The following DISC1 variants were observed in gnomAD, a reference collection of about 807,000 sequenced individuals.
DISC1 encodes the protein DISC1 scaffold protein, also known as disrupted in schizophrenia 1 protein.
A neutral mutation model predicts 84.5 loss-of-function variants in DISC1; 57 were observed. The observed-to-expected ratio is 0.67, with a 90% confidence interval of 0.55 to 0.84. The LOEUF is 0.84. Among genes scored for constraint, DISC1 ranks in the 40% least tolerant of loss-of-function variants. The pLI is 0.00. For synonymous variants in DISC1, 411 were observed against 415.2 expected (o/e 0.99, Z 0.12); for missense variants, 1,000 against 1,057.8 (o/e 0.95, Z 0.76).
Position 231,800,122 on chromosome 1 carries a change from G to T in DISC1, c.1704G>T (p.Glu568Asp), listed in dbSNP as rs753171376. 8 of 1,611,222 alleles carry T rather than the reference G, an allele frequency of 5.0e-6. No homozygotes were observed. The highest frequency in any genetic ancestry group is 5.9e-6 in the Non-Finnish European group (7 of 1,179,560). ...TCTCCCCCTAGGTGTGTATGAGTGA[G>T]AAATTCTGCAGCACCCTGAGGAAGA... is the stretch of plus-strand genomic sequence containing the variant. ...KEITTKVCMSEKFCSTLRKKV... is the reference protein window; with the variant it reads ...KEITTKVCMSDKFCSTLRKKV... The change falls in exon 8 of 13, where the codon GAG becomes GAT. Residue 568 changes from glutamate to aspartate, a missense_variant. Transcript: ENST00000439617.
chr1:231,898,611 G>A (rs1440826759), intron 9 of DISC1, among the ~76,000 whole-genome samples: 1 of 152,194 alleles, frequency 6.6e-6, no homozygotes, highest in Non-Finnish European at 1.5e-5. Flanking sequence ...AAGTAAGGTT[G>A]GAAAGAGTTG....
intron 10 of DISC1, among the ~76,000 whole-genome samples, chr1:231,968,084 G>T (rs200149982): frequency 1.3e-5 from 2 of 152,124 alleles, no homozygotes; most frequent in Non-Finnish European, 2.9e-5. Flanking sequence ...TAACTTTTCT[G>T]CATTGGCCTA....
intron 12 of DISC1, among the ~76,000 whole-genome samples, chr1:232,035,445 CAAAAAAA>C (rs1670428079): frequency 1.3e-5 from 2 of 151,690 alleles, no homozygotes; most frequent in South Asian, 4.2e-4. Context: ...AACTCTGTCT[CAAAAAAA>C]GAAAAAAGAA....
intron 1 of DISC1, among the ~76,000 whole-genome samples, chr1:231,637,422 G>A (rs1395454311): frequency 1.3e-5 from 2 of 152,112 alleles, no homozygotes; most frequent in Admixed American, 6.6e-5. Context: ...TGGTCAAGTC[G>A]GGGCTTTTAG....
At position 231,785,202 on chromosome 1, in the gene DISC1, T is replaced by G. The variant is rs201038916; in HGVS notation, c.1635-10040T>G. Reference sequence around the variant, plus strand: ...GACTGAGCAGTCATTGGCAAGGTTGTTAATGTCAACAGATTTGTCTGTGTG... The same window carrying G: ...GACTGAGCAGTCATTGGCAAGGTTGGTAATGTCAACAGATTTGTCTGTGTG... On this transcript the variant is annotated intron_variant, in intron 6 of 12. Coordinates refer to ENST00000439617, the MANE Select transcript of DISC1 (RefSeq NM_018662.3). Among the ~76,000 whole-genome samples, 159 of 150,614 alleles carry G rather than the reference T, an allele frequency of 1.1e-3. 1 individual carries two copies. The highest frequency in any genetic ancestry group is 1.7e-3 in the Non-Finnish European group (118 of 67,882).
intron 8 of DISC1, among the ~76,000 whole-genome samples, chr1:231,805,504 C>T (rs950681151): frequency 1.6e-4 from 25 of 152,066 alleles, no homozygotes; most frequent in Admixed American, 1.5e-3. Context: ...GGGGGAGGTG[C>T]CACGCACTTT....
At position 231,675,566 on chromosome 1, in the gene DISC1, C is replaced by T. The variant is rs1434956688; in HGVS notation, c.68-18260C>T. On this transcript the variant is annotated intron_variant, in intron 1 of 12. Coordinates refer to ENST00000439617, the MANE Select transcript of DISC1 (RefSeq NM_018662.3). The surrounding 1 kb of genome is among the most constrained non-coding windows in gnomAD (Gnocchi z 4.1). ...CTCAAAATTTCCTGGGCTAGTAGGTCTCTCAAGGTGGCTGAGAGACCCTAG... is the reference window on the plus strand; with the variant it reads ...CTCAAAATTTCCTGGGCTAGTAGGTTTCTCAAGGTGGCTGAGAGACCCTAG... 6.6e-6 allele frequency among the ~76,000 whole-genome samples: 1 copy of T among 152,146 alleles called. No individual in the cohort carries two copies. The highest frequency in any genetic ancestry group is 2.4e-5 in the African/African-American group (1 of 41,430).
intron 7 of DISC1, among the ~76,000 whole-genome samples, chr1:231,795,760 G>A (rs1343151504): frequency 1.3e-5 from 2 of 152,068 alleles, no homozygotes; most frequent in Admixed American, 6.6e-5. Flanking sequence ...GTGGTGGAGG[G>A]TGCCTGTAAT....
At chr1:231,929,994 G>A (rs1200364932) in intron 9 of DISC1, among the ~76,000 whole-genome samples, 2 of 152,048 alleles carry the variant, frequency 1.3e-5, no homozygotes. Flanking sequence ...AGGTAGCGTG[G>A]GATTGACCCT....
intron 9 of DISC1, among the ~76,000 whole-genome samples, chr1:231,928,068 A>C (rs2090449147): frequency 6.6e-6 from 1 of 152,210 alleles, no homozygotes; most frequent in Non-Finnish European, 1.5e-5. Flanking sequence ...TTTTCTTGAG[A>C]GATTTATTCT....
chr1:231,708,715 A>G (rs948254587), intron 3 of DISC1, among the ~76,000 whole-genome samples: 9 of 152,142 alleles, frequency 5.9e-5, no homozygotes, highest in Admixed American at 2.6e-4. Flanking sequence ...CTGGGTCTAG[A>G]GCATTTTGTG....
chr1:232,013,134 A>G (rs938308751), intron 11 of DISC1, among the ~76,000 whole-genome samples: 2 of 152,090 alleles, frequency 1.3e-5, no homozygotes, highest in African/African-American at 4.8e-5. Flanking sequence ...ATACCTGCGT[A>G]ATTTTTTTCT....
At chr1:232,003,075 T>C (rs965336248) in intron 10 of DISC1, among the ~76,000 whole-genome samples, 12 of 151,612 alleles carry the variant, frequency 7.9e-5, no homozygotes, top group African/African-American at 2.9e-4. Flanking sequence ...AAAAGAAAAA[T>C]AGAAAAAAAG....
At chr1:231,981,220 A>C (rs1394557094) in intron 10 of DISC1, among the ~76,000 whole-genome samples, 1 of 152,244 alleles carries the variant, frequency 6.6e-6, no homozygotes, top group Admixed American at 6.5e-5. Context: ...TTGGGATTAC[A>C]GGTATGAGCC....
chr1:231,957,423 G>A (rs1484915028), intron 9 of DISC1, among the ~76,000 whole-genome samples: 1 of 151,938 alleles, frequency 6.6e-6, no homozygotes, highest in East Asian at 1.9e-4. Flanking sequence ...AATGTTTTAT[G>A]GAATTTTTAT....
Position 231,913,709 on chromosome 1 carries a change from A to G in DISC1, c.1982-45119A>G, listed in dbSNP as rs554441823. 3.3e-5 allele frequency among the ~76,000 whole-genome samples: 5 copies of G among 152,330 alleles called. No homozygotes were observed. The South Asian group carries it at 8.3e-4, about 25-fold the overall frequency. On this transcript the variant is annotated intron_variant, in intron 9 of 12. Transcript: ENST00000439617. ...TGTCAAGAAGGAACTGCAGATGCCA[A>G]TGCTCTGACTCTTTCCTCTGATTTC...
At chr1:231,793,854 C>T (rs898760378) in intron 6 of DISC1, among the ~76,000 whole-genome samples, 6 of 152,256 alleles carry the variant, frequency 3.9e-5, no homozygotes, top group African/African-American at 1.2e-4. Flanking sequence ...TTTAAAAATA[C>T]AACACTCATT....
At chr1:231,885,788 A>G (rs2086636758) in intron 9 of DISC1, among the ~76,000 whole-genome samples, 1 of 152,222 alleles carries the variant, frequency 6.6e-6, no homozygotes, top group Admixed American at 6.5e-5. Context: ...AAGAGGTGGT[A>G]GCAAGAGAAA....
intron 8 of DISC1, chr1:231,813,135 G>A (rs1472197900): frequency 3.3e-5 from 5 of 152,178 alleles, no homozygotes; most frequent in Non-Finnish European, 7.3e-5. Flanking sequence ...ATTAGAGGGT[G>A]TATTTGCAGC....
Sources: allele counts gnomAD v4.1 joint callset (sites outside exome capture counted in the v4.1 genomes callset), GRCh38; gene constraint gnomAD v4.1.1; non-coding constraint Gnocchi (gnomAD v3.1); transcripts MANE v1.5; gene names NCBI Gene and HGNC (gene_info 2026-07-23, HGNC 2026-07-21).